ROBO2: variants seen among roughly 807,000 people sequenced by gnomAD.
ROBO2 encodes roundabout guidance receptor 2.
Under a neutral mutation model 160.8 loss-of-function variants are expected in ROBO2, and 53 were observed. The observed-to-expected ratio is 0.33, with a 90% confidence interval of 0.26 to 0.41. The LOEUF is 0.41. Ranked by LOEUF, ROBO2 falls within the 10% of genes least tolerant of loss-of-function variation. The probability of loss-of-function intolerance (pLI) is 1.00; values close to 1 mark genes in which losing one functional copy is unlikely to be tolerated. For missense variants in ROBO2, 1,577 were observed against 1,722.4 expected (o/e 0.92, Z 1.49); for synonymous variants, 664 against 611.7 (o/e 1.09, Z -1.26).
intron 1 of ROBO2, among the ~76,000 whole-genome samples, chr3:77,052,900 G>A (rs1345920484): frequency 2.0e-5 from 3 of 152,180 alleles, no homozygotes; most frequent in Non-Finnish European, 4.4e-5. Flanking sequence ...AAAGTGTTAA[G>A]GGTGGCAGGT....
intron 21 of ROBO2, among the ~76,000 whole-genome samples, chr3:77,609,159 GTCTC>G (rs1470349337): frequency 6.6e-6 from 1 of 151,544 alleles, no homozygotes; most frequent in Non-Finnish European, 1.5e-5. Flanking sequence ...GCCTTCATTT[GTCTC>G]TCTGAGACTG....
chr3:76,786,053 T>C (rs1357159285), intron 2 of ROBO2, among the ~76,000 whole-genome samples: 1 of 151,310 alleles, frequency 6.6e-6, no homozygotes, highest in Non-Finnish European at 1.5e-5. Context: ...TATCAACATA[T>C]ATCAGAGTTG....
intron 2 of ROBO2, among the ~76,000 whole-genome samples, chr3:76,301,087 A>G (rs1452214222): frequency 1.3e-5 from 2 of 152,092 alleles, no homozygotes; most frequent in Admixed American, 6.6e-5. Flanking sequence ...TGATGAATAA[A>G]TATTGTTGTA....
chr3:76,652,212 C>T (rs2091285534), intron 2 of ROBO2, among the ~76,000 whole-genome samples: 1 of 152,164 alleles, frequency 6.6e-6, no homozygotes. Flanking sequence ...TCACTTCTAT[C>T]AGAGGTAGTA....
intron 2 of ROBO2, among the ~76,000 whole-genome samples, chr3:76,723,986 C>T (rs193245396): frequency 5.3e-5 from 8 of 152,306 alleles, no homozygotes; most frequent in Admixed American, 2.6e-4. Context: ...CGTCTAGATT[C>T]TCTTGCTTAT....
At chr3:76,583,044 C>G (rs953258719) in intron 2 of ROBO2, among the ~76,000 whole-genome samples, 2 of 148,434 alleles carry the variant, frequency 1.3e-5, no homozygotes, top group African/African-American at 5.0e-5. Flanking sequence ...AAAAAACAAA[C>G]AAAGAAAAAC....
chr3:76,282,871 C>T (rs1473491267), intron 2 of ROBO2, among the ~76,000 whole-genome samples: 1 of 151,640 alleles, frequency 6.6e-6, no homozygotes, highest in South Asian at 2.1e-4. Flanking sequence ...GCATATAAAA[C>T]CACCTTTTGT....
chr3:77,539,813 G>T (rs918948228), intron 6 of ROBO2, among the ~76,000 whole-genome samples: 33 of 152,298 alleles, frequency 2.2e-4, no homozygotes, highest in African/African-American at 7.5e-4. Flanking sequence ...GCAAGAGCAA[G>T]TACCTTAAAT....
intron 2 of ROBO2, among the ~76,000 whole-genome samples, chr3:76,762,233 T>C (rs898211664): frequency 6.6e-6 from 1 of 151,620 alleles, no homozygotes; most frequent in Non-Finnish European, 1.5e-5. Flanking sequence ...CCTTTGTTTC[T>C]GATGAATTTG....
intron 10 of ROBO2, 33 bp downstream of exon 11, chr3:77,562,765 G>A (rs756223237): frequency 6.1e-6 from 9 of 1,478,226 alleles, no homozygotes; most frequent in Non-Finnish European, 7.6e-6. Context: ...GAAATCTTGG[G>A]CCCCTTTTCT....
chr3:77,512,832 CA>C (rs1289055948), intron 5 of ROBO2, among the ~76,000 whole-genome samples: 1 of 151,818 alleles, frequency 6.6e-6, no homozygotes, highest in Admixed American at 6.6e-5. Flanking sequence ...GGGAAAGAAA[CA>C]TTTACTCATA....
chr3:75,910,696 TG>T (rs1230343632), intron 1 of ROBO2, among the ~76,000 whole-genome samples: 3 of 152,150 alleles, frequency 2.0e-5, no homozygotes, highest in Non-Finnish European at 4.4e-5. Context: ...CAAATAAATT[TG>T]GTATAAATTC....
intron 2 of ROBO2, among the ~76,000 whole-genome samples, chr3:76,131,981 A>G (rs534151665): frequency 1.3e-4 from 20 of 152,268 alleles, no homozygotes; most frequent in African/African-American, 4.8e-4. Context: ...ATGAAATAAT[A>G]GCAGTTATGA....
intron 2 of ROBO2, among the ~76,000 whole-genome samples, chr3:76,315,949 T>C (rs1471076275): frequency 6.6e-6 from 1 of 152,090 alleles, no homozygotes; most frequent in African/African-American, 2.4e-5. Flanking sequence ...GCTGGCCCTC[T>C]GGGGGTGACA....
chr3:76,879,198 A>T lies in ROBO2; in HGVS notation c.110-218816A>T, dbSNP rs139333755. On this transcript the variant is annotated intron_variant, in intron 2 of 26. Transcript: ENST00000487694. ...TAATTGACCCTTTTATATTGAAAAC[A>T]TAGTCGAAGGAAATGTGAAGGGGAG... 2.6e-3 allele frequency among the ~76,000 whole-genome samples: 389 copies of T among 152,266 alleles called. 5 individuals carry two copies. Among genetic ancestry groups the T allele is most frequent in the Middle Eastern group, 0.014 (4 of 294 alleles).
chr3:76,591,153 A>G (rs746687083), intron 2 of ROBO2, among the ~76,000 whole-genome samples: 2 of 152,124 alleles, frequency 1.3e-5, no homozygotes, highest in Non-Finnish European at 2.9e-5. Flanking sequence ...ATTAGCACAT[A>G]TTTTGTATGG....
At chr3:76,578,260 T>C (rs2085437216) in intron 2 of ROBO2, among the ~76,000 whole-genome samples, 1 of 152,178 alleles carries the variant, frequency 6.6e-6, no homozygotes, top group Non-Finnish European at 1.5e-5. Flanking sequence ...GTTATTTTTA[T>C]TACTATTGAC....
chr3:76,566,735 G>A (rs1045076229), intron 2 of ROBO2, among the ~76,000 whole-genome samples: 1 of 151,936 alleles, frequency 6.6e-6, no homozygotes, highest in Non-Finnish European at 1.5e-5. Context: ...GGGTGGAGAG[G>A]AAGAGAAGTG....
chr3:77,386,139 T>G (rs1307765773), intron 2 of ROBO2, among the ~76,000 whole-genome samples: 1 of 152,184 alleles, frequency 6.6e-6, no homozygotes, highest in Non-Finnish European at 1.5e-5. Flanking sequence ...ATTTTATTAC[T>G]TTATCTTTAT....
Sources: allele counts gnomAD v4.1 joint callset (sites outside exome capture counted in the v4.1 genomes callset), GRCh38; gene constraint gnomAD v4.1.1; transcripts MANE v1.5; gene names NCBI Gene and HGNC (gene_info 2026-07-23, HGNC 2026-07-21).